Variants in SPATA16 observed in about 807,000 individuals in gnomAD.
SPATA16 encodes the protein spermatogenesis-associated protein 16.
A neutral mutation model predicts 63.3 loss-of-function variants in SPATA16; 36 were observed. The ratio of observed to expected loss-of-function variants is 0.57; its 90% CI spans 0.44 to 0.75. The LOEUF is 0.75. Among genes scored for constraint, SPATA16 ranks in the 30% least tolerant of loss-of-function variants. The pLI is 0.00. For synonymous variants in SPATA16, 203 were observed against 216.7 expected (o/e 0.94, Z 0.56); for missense variants, 646 against 679.3 (o/e 0.95, Z 0.54).
At chr3:173,138,233 T>C (rs1330370770) in intron 1 of SPATA16, among the ~76,000 whole-genome samples, 1 of 152,168 alleles carries the variant, frequency 6.6e-6, no homozygotes, top group Non-Finnish European at 1.5e-5. Flanking sequence ...CACTGAAGCA[T>C]TCATGCATGT....
chr3:173,057,330 G>T (rs1560109184), intron 2 of SPATA16, among the ~76,000 whole-genome samples: 1 of 152,078 alleles, frequency 6.6e-6, no homozygotes, highest in Non-Finnish European at 1.5e-5. Context: ...AGCCAGGATG[G>T]TCTCCATCGC....
intron 2 of SPATA16, among the ~76,000 whole-genome samples, chr3:173,068,886 G>A (rs769977159): frequency 1.1e-4 from 16 of 151,062 alleles, no homozygotes; most frequent in South Asian, 4.2e-4. Flanking sequence ...CGAGGCGGGC[G>A]GATCACGAGG....
chr3:173,037,492 A>C (rs1735740027), intron 3 of SPATA16, among the ~76,000 whole-genome samples: 1 of 152,092 alleles, frequency 6.6e-6, no homozygotes, highest in Admixed American at 6.6e-5. Flanking sequence ...CTTTGAATTC[A>C]ACTGTCTTCT....
chr3:172,953,963 G>C (rs1733511037), intron 6 of SPATA16, among the ~76,000 whole-genome samples: 1 of 152,190 alleles, frequency 6.6e-6, no homozygotes, highest in African/African-American at 2.4e-5. Flanking sequence ...AAAACATATA[G>C]ACTCTTATGT....
intron 10 of SPATA16, among the ~76,000 whole-genome samples, chr3:172,901,597 G>C (rs968122175): frequency 6.6e-6 from 1 of 152,196 alleles, no homozygotes; most frequent in Admixed American, 6.5e-5. Context: ...TTTTTGGTGT[G>C]ATGAGTGATC....
At chr3:173,028,021 T>TCC (rs1560101010) in intron 3 of SPATA16, among the ~76,000 whole-genome samples, 1 of 34,904 alleles carries the variant, frequency 2.9e-5, no homozygotes, top group East Asian at 1.2e-3. Flanking sequence ...CTCCCTTCCT[T>TCC]CTTTCCTTCC....
intron 2 of SPATA16, among the ~76,000 whole-genome samples, chr3:173,102,587 C>G (rs1336733262): frequency 2.6e-5 from 4 of 152,154 alleles, no homozygotes; most frequent in Admixed American, 6.5e-5. Flanking sequence ...AACTCACTCA[C>G]TATTGTGTGG....
At chr3:173,118,952 GTCCGACTCA>G (rs1192027201) in intron 1 of SPATA16, among the ~76,000 whole-genome samples, 2 of 152,160 alleles carry the variant, frequency 1.3e-5, no homozygotes, top group Non-Finnish European at 2.9e-5. Flanking sequence ...CAAGGTCAGT[GTCCGACTCA>G]AGATAAAAAT....
intron 3 of SPATA16, among the ~76,000 whole-genome samples, chr3:173,025,098 T>C (rs1025782515): frequency 2.0e-5 from 3 of 151,120 alleles, no homozygotes; most frequent in Non-Finnish European, 4.4e-5. Context: ...TTTATTACAA[T>C]GTAAATAGAG....
At chr3:173,018,760 G>A (rs139365100) in intron 4 of SPATA16, among the ~76,000 whole-genome samples, 221 of 152,210 alleles carry the variant, frequency 1.5e-3, no homozygotes, top group African/African-American at 5.0e-3. Context: ...TAGATTCCTG[G>A]GGCGGTAAAG....
chr3:173,010,435 C>T (rs958681997), intron 4 of SPATA16, among the ~76,000 whole-genome samples: 17 of 141,406 alleles, frequency 1.2e-4, no homozygotes, highest in Admixed American at 5.6e-4. Flanking sequence ...CACGTTGTGG[C>T]GTGTGTGTGT....
chr3:172,889,449 A>C lies in SPATA16; in HGVS notation c.*121T>G. On this transcript the variant is annotated 3_prime_UTR_variant, in exon 11 of 11. Transcript: ENST00000351008. Reference sequence around the variant, plus strand: ...GTAAAGATGAACTGAGGGGAATACCACCTCTTTCTTTTGGTGACAAGCTTT... The same window carrying C: ...GTAAAGATGAACTGAGGGGAATACCCCCTCTTTCTTTTGGTGACAAGCTTT... 7.3e-7 allele frequency: 1 copy of C among 1,378,612 alleles called. No individual in the cohort carries two copies. Among genetic ancestry groups the C allele is most frequent in the Admixed American group, 1.7e-5 (1 of 58,646 alleles). The allele number at this position is 1,378,612 out of a possible 1,614,324, so 85.4% of individuals were successfully genotyped here. A position where few individuals can be genotyped will look rare whatever the true frequency, so the allele number is the denominator to read the frequency against.
At chr3:173,019,631 A>G in intron 3 of SPATA16, 56 bp from the exon 4 acceptor site, 2 of 1,481,644 alleles carry the variant, frequency 1.3e-6, no homozygotes, top group Non-Finnish European at 1.9e-6. Context: ...GACAATTACC[A>G]CAAGTGCAAT....
At chr3:172,976,684 T>C (rs1734167506) in intron 5 of SPATA16, among the ~76,000 whole-genome samples, 1 of 152,080 alleles carries the variant, frequency 6.6e-6, no homozygotes, top group Non-Finnish European at 1.5e-5. Flanking sequence ...TAAATAATCC[T>C]AATATTATAG....
intron 2 of SPATA16, among the ~76,000 whole-genome samples, chr3:173,051,812 A>G (rs1304117701): frequency 7.1e-6 from 1 of 140,006 alleles, no homozygotes; most frequent in East Asian, 2.1e-4. Context: ...TTTTAGGCAC[A>G]CTTTTTTTTT....
chr3:172,956,852 C>T, intron 5 of SPATA16, 28 bp from the exon 6 acceptor site: 1 of 1,612,398 alleles, frequency 6.2e-7, no homozygotes. Context: ...ACCCATTTGG[C>T]ATCAATAACA....
intron 2 of SPATA16, among the ~76,000 whole-genome samples, chr3:173,069,571 T>G (rs1736615854): frequency 6.6e-6 from 1 of 152,212 alleles, no homozygotes; most frequent in South Asian, 2.1e-4. Flanking sequence ...GAAGAATTAA[T>G]ACCATTCCTA....
intron 5 of SPATA16, 152 bp downstream of exon 5, chr3:172,976,816 A>G (rs1377390630): frequency 8.8e-6 from 6 of 682,836 alleles, no homozygotes; most frequent in Non-Finnish European, 1.6e-5. Flanking sequence ...TAGAAAATCT[A>G]CTTCGTTATG....
At chr3:173,071,334 A>G (rs759053995) in intron 2 of SPATA16, among the ~76,000 whole-genome samples, 30 of 152,212 alleles carry the variant, frequency 2.0e-4, no homozygotes, top group East Asian at 1.5e-3. Context: ...AGACTTTAAT[A>G]TAAGACCTGA....
Sources: allele counts gnomAD v4.1 joint callset (sites outside exome capture counted in the v4.1 genomes callset), GRCh38; gene constraint gnomAD v4.1.1; transcripts MANE v1.5; gene names NCBI Gene and HGNC (gene_info 2026-07-23, HGNC 2026-07-21).